Variants in FBXW8 observed in about 807,000 individuals in gnomAD.
FBXW8 encodes F-box and WD repeat domain containing 8, also known as F-box/WD repeat-containing protein 8.
A neutral mutation model predicts 65.3 loss-of-function variants in FBXW8; 57 were observed. That is an observed-to-expected ratio of 0.87 (90% CI 0.71 to 1.09). The LOEUF (loss-of-function observed/expected upper bound fraction) is 1.09. Among genes scored for constraint, FBXW8 ranks in the 50% least tolerant of loss-of-function variants. The pLI, the probability that FBXW8 is intolerant of heterozygous loss-of-function variation, is 0.00. For synonymous variants in FBXW8, 308 were observed against 330.2 expected, an observed-to-expected ratio of 0.93 and a Z score of 0.73; for missense variants, 777 against 814.8, an observed-to-expected ratio of 0.95 and a Z score of 0.57.
intron 7 of FBXW8, among the ~76,000 whole-genome samples, chr12:116,997,114 A>G (rs577063469): frequency 1.3e-5 from 2 of 152,322 alleles, no homozygotes; most frequent in East Asian, 3.9e-4. Flanking sequence ...AATAATAAAT[A>G]ATAAATACAG....
chr12:116,913,253 G>A (rs749704294), intron 1 of FBXW8, among the ~76,000 whole-genome samples: 1 of 152,200 alleles, frequency 6.6e-6, no homozygotes, highest in Non-Finnish European at 1.5e-5. Context: ...CTTTCCATTT[G>A]TAACACCTTA....
intron 5 of FBXW8, among the ~76,000 whole-genome samples, chr12:116,984,344 T>C (rs1216070320): frequency 1.3e-5 from 2 of 152,204 alleles, no homozygotes; most frequent in South Asian, 2.1e-4. Context: ...GAAACCACCC[T>C]GGAGAAAGGG....
intron 10 of FBXW8, 132 bp from the exon 11 acceptor site, chr12:117,027,896 G>C: frequency 8.2e-7 from 1 of 1,216,386 alleles, no homozygotes; most frequent in South Asian, 1.4e-5. Flanking sequence ...GACGCTGTGT[G>C]CCCAGAGAAC....
chr12:116,946,354 C>T lies in FBXW8; in HGVS notation c.588+826C>T, dbSNP rs534170156. 1.1e-4 allele frequency among the ~76,000 whole-genome samples: 16 copies of T among 152,304 alleles called. No individual in the cohort carries two copies. In the South Asian group the frequency reaches 2.1e-3, roughly 20 times the overall value. ...TACGCTTGATCTGGGCAACCTCACA[C>T]GGTTTCTAGCAAAGTCAATAAGAGC... On this transcript the variant is annotated intron_variant, in intron 3 of 10. Coordinates refer to ENST00000652555, the MANE Select transcript of FBXW8 (RefSeq NM_153348.3).
intron 7 of FBXW8, among the ~76,000 whole-genome samples, chr12:117,007,795 C>A (rs994040118): frequency 2.6e-5 from 4 of 152,140 alleles, no homozygotes; most frequent in African/African-American, 2.4e-5. Flanking sequence ...AATGAAGTCC[C>A]ATTTGCTCAA....
intron 4 of FBXW8, 200 bp downstream of exon 4, chr12:116,949,906 G>C: frequency 1.8e-6 from 1 of 566,530 alleles, no homozygotes; most frequent in South Asian, 2.3e-5. Flanking sequence ...GAAGCACATG[G>C]TGTAGAGCGG....
At chr12:116,985,168 A>G (rs749117145) in intron 5 of FBXW8, 38 bp from the exon 6 acceptor site, 5 of 1,524,170 alleles carry the variant, frequency 3.3e-6, no homozygotes, top group South Asian at 2.6e-5. Context: ...TATTAAGTAA[A>G]TTTAAAATTG....
At chr12:116,997,808 TTG>T (rs1953412007) in intron 7 of FBXW8, among the ~76,000 whole-genome samples, 1 of 152,104 alleles carries the variant, frequency 6.6e-6, no homozygotes, top group African/African-American at 2.4e-5. Flanking sequence ...AGAATTGTTT[TTG>T]TTGTTGTTGT....
At chr12:117,020,271 G>A (rs1954063271) in intron 8 of FBXW8, among the ~76,000 whole-genome samples, 1 of 152,218 alleles carries the variant, frequency 6.6e-6, no homozygotes, top group African/African-American at 2.4e-5. Flanking sequence ...TTCCTTAATA[G>A]GTAATGTCTT....
intron 10 of FBXW8, among the ~76,000 whole-genome samples, 159 bp from the exon 11 acceptor site, chr12:117,027,869 G>A (rs766966391): frequency 7.9e-5 from 12 of 152,240 alleles, no homozygotes; most frequent in Admixed American, 3.3e-4. Flanking sequence ...CCGCTAAGCC[G>A]GGGACTGTGA....
chr12:117,003,091 G>A (rs896979549), intron 7 of FBXW8: 2 of 152,210 alleles, frequency 1.3e-5, no homozygotes, highest in African/African-American at 4.8e-5. Context: ...GATCTGTACT[G>A]AATAAAAGTG....
Position 117,028,753 on chromosome 12 carries a change from A to G in FBXW8, c.*581A>G, listed in dbSNP as rs1410592142. 3.3e-5 allele frequency: 5 copies of G among 153,662 alleles called. No individual in the cohort carries two copies. The highest frequency in any genetic ancestry group is 2.6e-4 in the Admixed American group (4 of 15,664). The allele number at this position is 153,662 out of a possible 1,614,324, so 9.5% of individuals were successfully genotyped here. On this transcript the variant is annotated 3_prime_UTR_variant, in exon 11 of 11. Transcript: ENST00000652555. The surrounding 1 kb of genome is among the most constrained non-coding windows in gnomAD (Gnocchi z 4.1). ...ATGGTTTATAATTATATACTTATAC[A>G]GTTTAGTCATCAATGACTATTTTGC...
At chr12:116,968,931 A>G (rs559915120) in intron 5 of FBXW8, among the ~76,000 whole-genome samples, 60 of 152,168 alleles carry the variant, frequency 3.9e-4, no homozygotes, top group African/African-American at 1.4e-3. Context: ...AGCATGCAGT[A>G]TGGTTCCAAG....
intron 5 of FBXW8, among the ~76,000 whole-genome samples, chr12:116,981,235 G>A (rs1160160593): frequency 3.3e-5 from 5 of 152,172 alleles, no homozygotes. Context: ...TATAAAATTA[G>A]CTTTCACTCA....
chr12:116,951,646 A>G (rs964822110), intron 4 of FBXW8, among the ~76,000 whole-genome samples: 10 of 152,128 alleles, frequency 6.6e-5, no homozygotes, highest in African/African-American at 2.4e-4. Flanking sequence ...TACATTTCAC[A>G]TCATTGATGG....
intron 1 of FBXW8, among the ~76,000 whole-genome samples, chr12:116,914,552 G>A (rs1880246546): frequency 8.4e-6 from 1 of 118,878 alleles, no homozygotes; most frequent in Non-Finnish European, 1.6e-5. Context: ...CGGCCTAGGT[G>A]ACAGAGCGAA....
intron 1 of FBXW8, among the ~76,000 whole-genome samples, chr12:116,915,015 A>G (rs987678933): frequency 2.0e-5 from 3 of 152,248 alleles, no homozygotes; most frequent in Admixed American, 6.5e-5. Context: ...ATTTCTCCCA[A>G]CAACTCTCTC....
intron 4 of FBXW8, among the ~76,000 whole-genome samples, chr12:116,953,629 C>T (rs887277459): frequency 2.8e-4 from 43 of 151,526 alleles, no homozygotes; most frequent in African/African-American, 8.2e-4. Flanking sequence ...AAAAATTATC[C>T]GGGCATGGTG....
chr12:116,953,887 G>A (rs1412800495), intron 4 of FBXW8, among the ~76,000 whole-genome samples: 2 of 152,056 alleles, frequency 1.3e-5, no homozygotes, highest in Non-Finnish European at 2.9e-5. Flanking sequence ...AGGCCTAGGC[G>A]GGCAGATCAT....
Sources: allele counts gnomAD v4.1 joint callset (sites outside exome capture counted in the v4.1 genomes callset), GRCh38; gene constraint gnomAD v4.1.1; non-coding constraint Gnocchi (gnomAD v3.1); transcripts MANE v1.5; gene names NCBI Gene and HGNC (gene_info 2026-07-23, HGNC 2026-07-21).